Variants in PRKAG2 observed in about 807,000 individuals in gnomAD.
PRKAG2 encodes protein kinase AMP-activated non-catalytic subunit gamma 2.
In PRKAG2, 26 loss-of-function variants were observed where a neutral mutation model predicts 69.6. The observed-to-expected ratio is 0.37, with a 90% CI of 0.27 to 0.52. The LOEUF is 0.52. Among genes scored for constraint, PRKAG2 ranks in the 20% least tolerant of loss-of-function variants. The probability of loss-of-function intolerance (pLI) is 0.90; values close to 1 mark genes in which losing one functional copy is unlikely to be tolerated. For synonymous variants in PRKAG2, 293 were observed against 285.0 expected, an observed-to-expected ratio of 1.03 and a Z score of -0.28; for missense variants, 557 against 740.0, an observed-to-expected ratio of 0.75 and a Z score of 2.87.
In PRKAG2 at chr7:151,780,099, T is replaced by C. The variant is rs2076591735; in HGVS notation, c.466+1053A>G. 6.6e-6 allele frequency among the ~76,000 whole-genome samples: 1 copy of C among 152,190 alleles called. No homozygotes were observed. The highest frequency in any genetic ancestry group is 2.4e-5 in the African/African-American group (1 of 41,450). ...ATGTAGAAAGACGAAGTGCAAAATC[T>C]GTCCAAGAGATAGATCTGCTCCACT... On this transcript the variant is annotated intron_variant, in intron 3 of 15. Coordinates refer to ENST00000287878, the MANE Select transcript of PRKAG2 (RefSeq NM_016203.4). The surrounding 1 kb of genome is among the most constrained non-coding windows in gnomAD (Gnocchi z 4.2).
intron 3 of PRKAG2, among the ~76,000 whole-genome samples, chr7:151,749,498 C>G (rs1308486393): frequency 2.0e-5 from 3 of 152,070 alleles, no homozygotes; most frequent in African/African-American, 7.2e-5. Flanking sequence ...TTTTGTGCAT[C>G]AGAGGACAAT....
chr7:151,763,367 G>A (rs1314124584), intron 3 of PRKAG2, among the ~76,000 whole-genome samples: 1 of 152,242 alleles, frequency 6.6e-6, no homozygotes, highest in South Asian at 2.1e-4. Context: ...TGGGTGGGAA[G>A]TGACGCCTGT....
At chr7:151,770,783 C>T (rs937652079) in intron 3 of PRKAG2, among the ~76,000 whole-genome samples, 9 of 152,108 alleles carry the variant, frequency 5.9e-5, no homozygotes, top group Admixed American at 4.6e-4. Context: ...TTTAGGAGTT[C>T]GACCTGGAGC....
chr7:151,676,791 G>A (rs573766772), intron 3 of PRKAG2, among the ~76,000 whole-genome samples: 83 of 152,284 alleles, frequency 5.5e-4, no homozygotes, highest in African/African-American at 1.8e-3. Flanking sequence ...ATGAGATTTT[G>A]CTGGACTAGG....
At chr7:151,622,107 A>G (rs183527042) in intron 5 of PRKAG2, among the ~76,000 whole-genome samples, 9 of 152,306 alleles carry the variant, frequency 5.9e-5, no homozygotes, top group Admixed American at 4.6e-4. Flanking sequence ...GAGGGAAGAG[A>G]GGTAAGTGAA....
chr7:151,606,945 T>C (rs1289688869), intron 5 of PRKAG2, among the ~76,000 whole-genome samples: 3 of 152,264 alleles, frequency 2.0e-5, no homozygotes, highest in Non-Finnish European at 4.4e-5. Context: ...TTTTGATATT[T>C]TCAGTGTTAT....
intron 7 of PRKAG2, among the ~76,000 whole-genome samples, chr7:151,575,186 A>T (rs1808596929): frequency 1.3e-5 from 2 of 152,230 alleles, no homozygotes; most frequent in Admixed American, 6.5e-5. Flanking sequence ...CTAACCAGAG[A>T]ATTTGGCAAA....
At chr7:151,858,584 G>A (rs2079842646) in intron 1 of PRKAG2, among the ~76,000 whole-genome samples, 1 of 152,130 alleles carries the variant, frequency 6.6e-6, no homozygotes. Context: ...CTGTGCTACA[G>A]GAAGAGAGAG....
chr7:151,584,511 A>G (rs1392421792), intron 6 of PRKAG2, among the ~76,000 whole-genome samples: 2 of 152,244 alleles, frequency 1.3e-5, no homozygotes, highest in Non-Finnish European at 2.9e-5. Flanking sequence ...AATGAAAAGA[A>G]AAATTGAAAA....
chr7:151,868,547 C>A (rs949696321), intron 1 of PRKAG2, among the ~76,000 whole-genome samples: 1 of 152,214 alleles, frequency 6.6e-6, no homozygotes, highest in African/African-American at 2.4e-5. Flanking sequence ...TTGTTTGTTG[C>A]GCATTTTAAA....
intron 2 of PRKAG2, among the ~76,000 whole-genome samples, chr7:151,784,219 C>T (rs765119009): frequency 6.6e-6 from 1 of 152,072 alleles, no homozygotes; most frequent in Non-Finnish European, 1.5e-5. Flanking sequence ...ATGGGAGGAC[C>T]GGAGGGAGGG....
intron 1 of PRKAG2, among the ~76,000 whole-genome samples, chr7:151,802,244 T>C (rs922439438): frequency 2.6e-5 from 4 of 152,184 alleles, no homozygotes; most frequent in African/African-American, 9.7e-5. Context: ...CACTCTTGGT[T>C]CTCAGCAGTG....
At position 151,829,699 on chromosome 7, in the gene PRKAG2, GGAAGGACT is replaced by G. The variant is rs756275051; in HGVS notation, c.115-43166_115-43159del. ...TGGAATATTATCCAGCCCATAGAAA[GGAAGGACT>G]GATACATGGTACAACATGGATGAAA... On this transcript the variant is annotated intron_variant, in intron 1 of 15. Coordinates refer to ENST00000287878, the MANE Select transcript of PRKAG2 (RefSeq NM_016203.4). Among the ~76,000 whole-genome samples the G allele has an allele frequency of 3.3e-5, 5 of 152,072 alleles. No individual in the cohort carries two copies. The East Asian group carries it at 9.6e-4, about 29-fold the overall frequency.
intron 3 of PRKAG2, among the ~76,000 whole-genome samples, chr7:151,679,552 G>A (rs868394398): frequency 3.3e-5 from 5 of 152,144 alleles, no homozygotes; most frequent in Admixed American, 2.0e-4. Context: ...GGGACCTGAT[G>A]GGGCAGAGCT....
At chr7:151,589,954 A>AAGC (rs1812654289) in intron 6 of PRKAG2, among the ~76,000 whole-genome samples, 1 of 152,124 alleles carries the variant, frequency 6.6e-6, no homozygotes. Flanking sequence ...GAAGAAGAAG[A>AAGC]AGAAAAAAGA....
At chr7:151,846,054 C>T (rs1007324336) in intron 1 of PRKAG2, among the ~76,000 whole-genome samples, 2 of 152,220 alleles carry the variant, frequency 1.3e-5, no homozygotes, top group Non-Finnish European at 2.9e-5. Context: ...CTGATCAGTG[C>T]TCGCCCCTAC....
intron 5 of PRKAG2, among the ~76,000 whole-genome samples, chr7:151,624,137 C>CGTGTGTGTGT (rs58644630): frequency 4.7e-4 from 68 of 145,176 alleles, no homozygotes; most frequent in African/African-American, 1.7e-3. Context: ...CAGAAGGCAG[C>CGTGTGTGTGT]GTGTGTGTGT....
chr7:151,583,352 T>G lies in PRKAG2; in HGVS notation c.865-6900A>C, dbSNP rs116182865. Reference sequence around the variant, plus strand: ...CACTGTTGACCTGTCCGCAGGTCACTGAGGAAGTCTCAATTCCATCCTTCA... The same window carrying G: ...CACTGTTGACCTGTCCGCAGGTCACGGAGGAAGTCTCAATTCCATCCTTCA... On this transcript the variant is annotated intron_variant, in intron 6 of 15. Coordinates refer to ENST00000287878, the MANE Select transcript of PRKAG2 (RefSeq NM_016203.4). This position sits in a 1 kb window ranked among gnomAD's most constrained non-coding sequence, Gnocchi z 4.1. Among the ~76,000 whole-genome samples the G allele has an allele frequency of 3.4e-3, 524 of 152,340 alleles. 4 individuals are homozygous for G. The highest frequency in any genetic ancestry group is 0.012 in the African/African-American group (496 of 41,576).
chr7:151,621,809 A>G (rs1468744543), intron 5 of PRKAG2, among the ~76,000 whole-genome samples: 1 of 152,134 alleles, frequency 6.6e-6, no homozygotes, highest in African/African-American at 2.4e-5. Flanking sequence ...TGCTGGGCTC[A>G]AGGGATCCTC....
Sources: allele counts gnomAD v4.1 joint callset (sites outside exome capture counted in the v4.1 genomes callset), GRCh38; gene constraint gnomAD v4.1.1; non-coding constraint Gnocchi (gnomAD v3.1); transcripts MANE v1.5; gene names NCBI Gene and HGNC (gene_info 2026-07-23, HGNC 2026-07-21).